NRXN1: variants seen among roughly 807,000 people sequenced by gnomAD.
The protein encoded by NRXN1 is neurexin 1, also known as neurexin-1.
A neutral mutation model predicts 150.9 loss-of-function variants in NRXN1; 39 were observed. The observed-to-expected ratio is 0.26, with a 90% confidence interval of 0.20 to 0.34. The LOEUF (loss-of-function observed/expected upper bound fraction) is 0.34. Among genes scored for constraint, NRXN1 ranks in the 10% least tolerant of loss-of-function variants. The probability of loss-of-function intolerance (pLI) is 1.00; values close to 1 mark genes in which losing one functional copy is unlikely to be tolerated. For synonymous variants in NRXN1, 924 were observed against 757.0 expected (o/e 1.22, Z -3.62); for missense variants, 1,815 against 1,949.9 (o/e 0.93, Z 1.30).
chr2:50,989,568 G>A (rs1203852860), intron 2 of NRXN1, among the ~76,000 whole-genome samples: 1 of 151,928 alleles, frequency 6.6e-6, no homozygotes, highest in African/African-American at 2.4e-5. Flanking sequence ...AGACTTCTGA[G>A]TTGGTTTCTT....
intron 17 of NRXN1, among the ~76,000 whole-genome samples, chr2:50,463,041 C>G (rs1369621126): frequency 6.6e-6 from 1 of 151,364 alleles, no homozygotes; most frequent in African/African-American, 2.4e-5. Context: ...AAAAAATAAA[C>G]TAGAGATGAA....
chr2:51,030,438 G>A (rs1363815914), intron 1 of NRXN1, among the ~76,000 whole-genome samples: 1 of 151,838 alleles, frequency 6.6e-6, no homozygotes, highest in Non-Finnish European at 1.5e-5. Context: ...CTTCAGTACA[G>A]AGCAATCCCC....
chr2:50,926,706 G>A (rs968413480), intron 2 of NRXN1, among the ~76,000 whole-genome samples: 2 of 151,834 alleles, frequency 1.3e-5, no homozygotes, highest in Admixed American at 1.3e-4. Flanking sequence ...TGTTGAGGAT[G>A]TGAATATGAA....
chr2:49,979,616 A>G (rs1679626792), intron 21 of NRXN1, among the ~76,000 whole-genome samples: 1 of 152,238 alleles, frequency 6.6e-6, no homozygotes, highest in African/African-American at 2.4e-5. Context: ...GACATATGTC[A>G]GAAAGTAAAC....
At chr2:50,904,555 C>T (rs1683398395) in intron 5 of NRXN1, among the ~76,000 whole-genome samples, 1 of 152,120 alleles carries the variant, frequency 6.6e-6, no homozygotes, top group Admixed American at 6.6e-5. Context: ...ATGTCCTTTT[C>T]TGTGCTAGAG....
At chr2:49,940,553 C>CTT (rs1671805526) in intron 22 of NRXN1, among the ~76,000 whole-genome samples, 1 of 152,138 alleles carries the variant, frequency 6.6e-6, no homozygotes, top group African/African-American at 2.4e-5. Context: ...ATTATTCAGA[C>CTT]TTAAACAGGA....
chr2:50,343,493 G>T (rs1275890461), intron 17 of NRXN1, among the ~76,000 whole-genome samples: 19 of 152,058 alleles, frequency 1.2e-4, no homozygotes, highest in Admixed American at 1.2e-3. Context: ...TTCTATGGAG[G>T]TAGTTTCACC....
rs1172217188 is a variant in NRXN1, at chr2:50,793,678, A to C, written c.832+128191T>G. Among the ~76,000 whole-genome samples the C allele has an allele frequency of 2.0e-5, 3 of 152,210 alleles. No homozygotes were observed. In the East Asian group the frequency reaches 5.8e-4, roughly 29 times the overall value. ...ATTAGCCTTGGGCAGGGTAAACAGA[A>C]GATAAAAATCCAAAGGGACATACTG... On this transcript the variant is annotated intron_variant, in intron 5 of 22. Transcript: ENST00000401669.
chr2:50,141,803 A>G (rs1707310828), intron 18 of NRXN1, among the ~76,000 whole-genome samples: 1 of 152,088 alleles, frequency 6.6e-6, no homozygotes, highest in South Asian at 2.1e-4. Context: ...AAGACAAAAC[A>G]GATGCTGGTG....
At chr2:50,161,318 C>T (rs977321629) in intron 18 of NRXN1, among the ~76,000 whole-genome samples, 2 of 152,076 alleles carry the variant, frequency 1.3e-5, no homozygotes, top group African/African-American at 4.8e-5. Context: ...AAGGTAACAA[C>T]CCATTCCTGG....
Position 49,991,859 on chromosome 2 carries a change from A to T in NRXN1, c.4129-48068T>A, listed in dbSNP as rs183317662. 2.0e-5 allele frequency among the ~76,000 whole-genome samples: 3 copies of T among 152,358 alleles called. No individual in the cohort carries two copies. In the East Asian group the frequency reaches 5.8e-4, roughly 29 times the overall value. The stretch of plus-strand genomic sequence containing the variant: ...TCAAGCCTTACTATAAAGTTATAAC[A>T]TTCAAGACAGTGTGGTATTAATGAA... On this transcript the variant is annotated intron_variant, in intron 21 of 22. Coordinates refer to ENST00000401669, the MANE Select transcript of NRXN1 (RefSeq NM_001330078.2).
chr2:50,330,524 A>G (rs2076769496), intron 17 of NRXN1, among the ~76,000 whole-genome samples: 1 of 151,988 alleles, frequency 6.6e-6, no homozygotes, highest in African/African-American at 2.4e-5. Flanking sequence ...CCCAATACCT[A>G]CTCCTAACCT....
rs184611903 is a variant in NRXN1 at position 50,411,885 on chromosome 2, T to A, written c.3364+53557A>T. Reference sequence around the variant, plus strand: ...TTGTCAGATAGAAAAGGGGGAAATGTGGGGAAAAGAAAGAGAGATCAGATT... The same window carrying A: ...TTGTCAGATAGAAAAGGGGGAAATGAGGGGAAAAGAAAGAGAGATCAGATT... On this transcript the variant is annotated intron_variant, in intron 17 of 22. Transcript: ENST00000401669. Among the ~76,000 whole-genome samples, 340 of 152,290 alleles carry A rather than the reference T, an allele frequency of 2.2e-3. 1 individual carries two copies. Among genetic ancestry groups the A allele is most frequent in the African/African-American group, 8.0e-3 (331 of 41,552 alleles).
chr2:50,976,374 CTG>C (rs2104833519), intron 2 of NRXN1, among the ~76,000 whole-genome samples: 1 of 151,836 alleles, frequency 6.6e-6, no homozygotes, highest in East Asian at 1.9e-4. Context: ...AAATTGAATG[CTG>C]TGTTATCTTA....
At chr2:50,861,362 G>A (rs777367789) in intron 5 of NRXN1, among the ~76,000 whole-genome samples, 47 of 151,974 alleles carry the variant, frequency 3.1e-4, no homozygotes, top group Non-Finnish European at 5.9e-4. Context: ...ACAGGCATGC[G>A]CCACCACACC....
rs1222328623 is a variant in NRXN1, at chr2:50,346,327, G to A, written c.3365-109357C>T. Among the ~76,000 whole-genome samples, 5 of 152,144 alleles carry A rather than the reference G, an allele frequency of 3.3e-5. No homozygotes were observed. The highest frequency in any genetic ancestry group is 1.2e-4 in the African/African-American group (5 of 41,434). Reference sequence around the variant, plus strand: ...AGAGCCCTCTTCTCTCTGGTGCTCAGGTCCCTTAGCTGAGCGCGGCGCCCC... The same window carrying A: ...AGAGCCCTCTTCTCTCTGGTGCTCAAGTCCCTTAGCTGAGCGCGGCGCCCC... On this transcript the variant is annotated intron_variant, in intron 17 of 22. Coordinates refer to ENST00000401669, the MANE Select transcript of NRXN1 (RefSeq NM_001330078.2). The surrounding 1 kb of genome is among the most constrained non-coding windows in gnomAD (Gnocchi z 5.0).
chr2:50,076,159 G>A (rs564133954), intron 19 of NRXN1, among the ~76,000 whole-genome samples: 18 of 152,172 alleles, frequency 1.2e-4, no homozygotes, highest in Non-Finnish European at 2.2e-4. Flanking sequence ...TGCTTGGAGT[G>A]GGTTTGGGGA....
At position 50,799,396 on chromosome 2, in the gene NRXN1, C is replaced by A. The variant is rs148105166; in HGVS notation, c.832+122473G>T. Among the ~76,000 whole-genome samples the A allele has an allele frequency of 6.9e-4, 105 of 152,182 alleles. 2 individuals carry two copies. In the East Asian group the frequency reaches 0.018, roughly 26 times the overall value. On this transcript the variant is annotated intron_variant, in intron 5 of 22. Coordinates refer to ENST00000401669, the MANE Select transcript of NRXN1 (RefSeq NM_001330078.2). ...TGCATTTTGGAGAGATGGAGATGAGCCACAAAGTAGAGAGTCAGAGTGTGT... is the reference window on the plus strand; with the variant it reads ...TGCATTTTGGAGAGATGGAGATGAGACACAAAGTAGAGAGTCAGAGTGTGT...
chr2:50,466,310 G>C, intron 16 of NRXN1: 1 of 353,784 alleles, frequency 2.8e-6, no homozygotes, highest in South Asian at 2.3e-5. Context: ...ATGCTACAAA[G>C]TTAGGCTTCT....
Sources: allele counts gnomAD v4.1 joint callset (sites outside exome capture counted in the v4.1 genomes callset), GRCh38; gene constraint gnomAD v4.1.1; non-coding constraint Gnocchi (gnomAD v3.1); transcripts MANE v1.5; gene names NCBI Gene and HGNC (gene_info 2026-07-23, HGNC 2026-07-21).